Variants in ASCC3 observed in about 807,000 individuals in gnomAD.
ASCC3 encodes the protein ASC-1 complex subunit P200.
A neutral mutation model predicts 256.3 loss-of-function variants in ASCC3; 158 were observed. The ratio of observed to expected loss-of-function variants is 0.62; its 90% CI spans 0.54 to 0.70. ASCC3 has a LOEUF of 0.70. ASCC3 is among the 30% of genes least tolerant of loss of function. ASCC3 has a pLI of 0.00. For synonymous variants in ASCC3, 948 were observed against 883.4 expected (o/e 1.07, Z -1.30); for missense variants, 2,259 against 2,626.0 (o/e 0.86, Z 3.05).
Position 100,650,708 on chromosome 6 carries a change from CT to C in ASCC3, c.3081del (p.Glu1028LysfsTer4), listed in dbSNP as rs781099929. On this transcript the variant is annotated frameshift_variant, in exon 20 of 42. Transcript: ENST00000369162. LOFTEE classifies it high-confidence loss of function. ...KAEEFDQIKV[R>X]EEEIEELDTL... ...GTATCTAACTCCTCTATTTCCTCTT[CT>C]CTGACCTAGAAGAATCAATGTATTT... 1 of 1,609,436 alleles carries C rather than the reference CT, an allele frequency of 6.2e-7. No individual in the cohort carries two copies. Among genetic ancestry groups the C allele is most frequent in the South Asian group, 1.1e-5 (1 of 90,928 alleles).
At chr6:100,523,993 G>A (rs1487701202) in intron 37 of ASCC3, among the ~76,000 whole-genome samples, 1 of 152,002 alleles carries the variant, frequency 6.6e-6, no homozygotes, top group African/African-American at 2.4e-5. Flanking sequence ...TTCAGTAACA[G>A]CTCTCATCTA....
chr6:100,624,901 T>C (rs1398769581), intron 30 of ASCC3, among the ~76,000 whole-genome samples: 2 of 151,928 alleles, frequency 1.3e-5, no homozygotes, highest in Non-Finnish European at 2.9e-5. Flanking sequence ...TTTGCAAAAT[T>C]GATTTTAACT....
At chr6:100,529,380 G>A (rs1480443563) in intron 37 of ASCC3, among the ~76,000 whole-genome samples, 1 of 152,076 alleles carries the variant, frequency 6.6e-6, no homozygotes, top group Admixed American at 6.6e-5. Flanking sequence ...AAAAACTTGA[G>A]AAGATGCATA....
chr6:100,709,433 T>G (rs1431374765), intron 13 of ASCC3, among the ~76,000 whole-genome samples: 1 of 152,110 alleles, frequency 6.6e-6, no homozygotes, highest in Non-Finnish European at 1.5e-5. Flanking sequence ...ACACCTGCAT[T>G]TAAGTACTGG....
intron 10 of ASCC3, among the ~76,000 whole-genome samples, chr6:100,763,261 T>C (rs1582826230): frequency 1.3e-5 from 2 of 152,294 alleles, no homozygotes; most frequent in African/African-American, 4.8e-5. Flanking sequence ...GTTTCAGTTC[T>C]ACAAAAATTA....
At chr6:100,744,321 A>C (rs1469917063) in intron 10 of ASCC3, among the ~76,000 whole-genome samples, 2 of 152,200 alleles carry the variant, frequency 1.3e-5, no homozygotes, top group Non-Finnish European at 2.9e-5. Context: ...TGATTATTAT[A>C]GGTAGGTTAT....
intron 13 of ASCC3, among the ~76,000 whole-genome samples, chr6:100,693,190 A>G (rs1481905205): frequency 4.6e-5 from 7 of 152,120 alleles, no homozygotes; most frequent in Non-Finnish European, 8.8e-5. Context: ...ATTTATGTTG[A>G]AAGCATTTAA....
intron 14 of ASCC3, among the ~76,000 whole-genome samples, chr6:100,678,617 T>C (rs1370988226): frequency 6.6e-6 from 1 of 152,034 alleles, no homozygotes; most frequent in Non-Finnish European, 1.5e-5. Flanking sequence ...TAGCAGCTGT[T>C]CAGTAACCAA....
At chr6:100,823,733 T>C (rs1385325584) in intron 4 of ASCC3, among the ~76,000 whole-genome samples, 1 of 152,086 alleles carries the variant, frequency 6.6e-6, no homozygotes, top group Non-Finnish European at 1.5e-5. Flanking sequence ...GCCAAAAAAA[T>C]TATTTCAGGG....
At chr6:100,799,042 G>C (rs1403496272) in intron 7 of ASCC3, among the ~76,000 whole-genome samples, 2 of 151,922 alleles carry the variant, frequency 1.3e-5, no homozygotes, top group East Asian at 3.9e-4. Flanking sequence ...TAACATATCA[G>C]GTATTTTATA....
intron 36 of ASCC3, among the ~76,000 whole-genome samples, chr6:100,555,648 G>A (rs1769534555): frequency 6.6e-6 from 1 of 152,034 alleles, no homozygotes; most frequent in Admixed American, 6.6e-5. Flanking sequence ...GATGAAACTT[G>A]AAAAAATTCC....
intron 8 of ASCC3, among the ~76,000 whole-genome samples, chr6:100,773,107 A>G (rs1782020161): frequency 6.6e-6 from 1 of 152,160 alleles, no homozygotes; most frequent in South Asian, 2.1e-4. Flanking sequence ...AGTTCACACA[A>G]CTATAAATGG....
At chr6:100,544,093 C>T (rs1422745056) in intron 36 of ASCC3, among the ~76,000 whole-genome samples, 2 of 151,656 alleles carry the variant, frequency 1.3e-5, no homozygotes, top group South Asian at 2.1e-4. Context: ...AAAAATAAAA[C>T]AGGAAATGAG....
intron 39 of ASCC3, among the ~76,000 whole-genome samples, chr6:100,515,894 C>G (rs895630859): frequency 1.3e-5 from 2 of 152,102 alleles, no homozygotes; most frequent in African/African-American, 2.4e-5. Flanking sequence ...AATGCCAATA[C>G]CACTATTAAT....
At chr6:100,866,914 T>G (rs1008247956) in intron 2 of ASCC3, among the ~76,000 whole-genome samples, 2 of 152,232 alleles carry the variant, frequency 1.3e-5, no homozygotes, top group Non-Finnish European at 2.9e-5. Flanking sequence ...CCTTTAAGTA[T>G]CTTATAAGTA....
chr6:100,578,226 T>C (rs1324599966), intron 36 of ASCC3, among the ~76,000 whole-genome samples: 1 of 152,092 alleles, frequency 6.6e-6, no homozygotes, highest in African/African-American at 2.4e-5. Context: ...ATAGAATTTT[T>C]ACCAATTCTG....
At chr6:100,716,712 C>A (rs1398408048) in intron 12 of ASCC3, among the ~76,000 whole-genome samples, 1 of 151,908 alleles carries the variant, frequency 6.6e-6, no homozygotes, top group Non-Finnish European at 1.5e-5. Context: ...TCACATCATT[C>A]TCCCATTCCT....
At chr6:100,673,065 T>C (rs1776829531) in intron 14 of ASCC3, among the ~76,000 whole-genome samples, 1 of 152,074 alleles carries the variant, frequency 6.6e-6, no homozygotes, top group South Asian at 2.1e-4. Context: ...CACTTTAACT[T>C]GGGAGAAAGA....
chr6:100,546,776 C>A (rs1015294796), intron 36 of ASCC3, among the ~76,000 whole-genome samples: 2 of 152,084 alleles, frequency 1.3e-5, no homozygotes, highest in Non-Finnish European at 2.9e-5. Flanking sequence ...TATGTCTCCA[C>A]ATTTATATTA....
Sources: allele counts gnomAD v4.1 joint callset (sites outside exome capture counted in the v4.1 genomes callset), GRCh38; gene constraint gnomAD v4.1.1; transcripts MANE v1.5; gene names NCBI Gene and HGNC (gene_info 2026-07-23, HGNC 2026-07-21).